The following OSTN variants were observed in gnomAD, a reference collection of about 807,000 sequenced individuals.
The protein encoded by OSTN is osteocrin.
OSTN carries 9 observed loss-of-function variants against 12.0 expected under a neutral mutation model. The observed-to-expected ratio is 0.75, with a 90% confidence interval of 0.45 to 1.30. The LOEUF (loss-of-function observed/expected upper bound fraction) is 1.30, where lower values mean the gene tolerates loss of function less well. Ranked by LOEUF, OSTN falls within the 50% of genes most tolerant of loss-of-function variation. OSTN has a pLI of 0.00. For synonymous variants in OSTN, 59 were observed against 56.9 expected, an observed-to-expected ratio of 1.04 and a Z score of -0.16; for missense variants, 148 against 152.3, an observed-to-expected ratio of 0.97 and a Z score of 0.15.
chr3:191,217,478 C>T (rs886074329), intron 2 of OSTN, among the ~76,000 whole-genome samples: 2 of 152,110 alleles, frequency 1.3e-5, no homozygotes, highest in South Asian at 2.1e-4. Context: ...AGAGATTCCC[C>T]AGAGCTAAAA....
chr3:191,240,989 T>C (rs1228228655), intron 3 of OSTN, among the ~76,000 whole-genome samples: 1 of 152,188 alleles, frequency 6.6e-6, no homozygotes, highest in Non-Finnish European at 1.5e-5. Context: ...GGTAGAATTA[T>C]TGGGTTCCAC....
chr3:191,241,449 G>A (rs993124689), intron 3 of OSTN, among the ~76,000 whole-genome samples: 18 of 151,976 alleles, frequency 1.2e-4, no homozygotes, highest in African/African-American at 4.1e-4. Flanking sequence ...CTCCCAAAGC[G>A]CTGGGATTAC....
intron 3 of OSTN, among the ~76,000 whole-genome samples, chr3:191,222,868 T>C (rs1432693339): frequency 2.0e-5 from 3 of 152,108 alleles, no homozygotes; most frequent in African/African-American, 7.2e-5. Context: ...TGAGATCTGA[T>C]GATTTTATAA....
chr3:191,230,495 T>C (rs1463076425), intron 3 of OSTN, among the ~76,000 whole-genome samples: 2 of 126,652 alleles, frequency 1.6e-5, no homozygotes, highest in Non-Finnish European at 3.1e-5. Flanking sequence ...ACGTGGGAGG[T>C]GGAGGTTGCA....
chr3:191,200,768 G>A (rs1213372750), intron 1 of OSTN, among the ~76,000 whole-genome samples: 1 of 152,130 alleles, frequency 6.6e-6, no homozygotes, highest in Non-Finnish European at 1.5e-5. Context: ...AGAAGTTTAG[G>A]ACTAATCTTT....
intron 4 of OSTN, among the ~76,000 whole-genome samples, chr3:191,256,567 C>A (rs1196955604): frequency 6.7e-6 from 1 of 150,008 alleles, no homozygotes; most frequent in African/African-American, 2.4e-5. Context: ...CTTAAACAAT[C>A]ATAAGGTCTA....
Position 191,212,648 on chromosome 3 carries a change from G to A in OSTN, c.102+14G>A, listed in dbSNP as rs775462210. The A allele has an allele frequency of 2.6e-5, 36 of 1,380,908 alleles. No individual in the cohort carries two copies. The highest frequency in any genetic ancestry group is 3.8e-5 in the Admixed American group (2 of 52,550). The allele number at this position is 1,380,908 out of a possible 1,614,324, so 85.5% of individuals were successfully genotyped here. A position where few individuals can be genotyped will look rare whatever the true frequency, so the allele number is the denominator to read the frequency against. ...ACAACAACAGAGGTAATGGAAACTA[G>A]CTTACAGAAATAAATATACATGTTT... On this transcript the variant is annotated intron_variant, in intron 2 of 4. Transcript: ENST00000682035.
intron 1 of OSTN, among the ~76,000 whole-genome samples, chr3:191,211,025 G>A (rs1714404984): frequency 6.6e-6 from 1 of 152,172 alleles, no homozygotes; most frequent in Non-Finnish European, 1.5e-5. Context: ...GAATTAACAT[G>A]TGTAAGATTT....
In OSTN at chr3:191,246,482, T is replaced by C. The variant is rs192150418; in HGVS notation, c.318-3555T>C. 1.7e-3 allele frequency among the ~76,000 whole-genome samples: 252 copies of C among 151,942 alleles called. 1 individual carries two copies. The highest frequency in any genetic ancestry group is 2.9e-3 in the Non-Finnish European group (195 of 67,958). ...TTACCCAGGCATGGTGGCACGCACC[T>C]GTAATCCCAGCTACTCAAGAGGCTG... On this transcript the variant is annotated intron_variant, in intron 3 of 4. Transcript: ENST00000682035.
rs73888518 is a variant in OSTN at position 191,260,263 on chromosome 3, C to T, written c.*13-2603C>T. Among the ~76,000 whole-genome samples, 615 of 151,714 alleles carry T rather than the reference C, an allele frequency of 4.1e-3. 6 individuals carry two copies. Among genetic ancestry groups the T allele is most frequent in the African/African-American group, 0.014 (594 of 41,366 alleles). On this transcript the variant is annotated intron_variant, in intron 4 of 4. Transcript: ENST00000682035. ...CTTAAAGGATCCGTCTTCTGGCCAC[C>T]GACAATTAGGGTTTCCAGTGGTGTA...
intron 2 of OSTN, among the ~76,000 whole-genome samples, chr3:191,216,016 C>A (rs1040718068): frequency 6.6e-6 from 1 of 152,200 alleles, no homozygotes; most frequent in African/African-American, 2.4e-5. Flanking sequence ...ATGAGGGCTC[C>A]ACCCCTTTAG....
chr3:191,238,093 T>A (rs1291751617), intron 3 of OSTN, among the ~76,000 whole-genome samples: 7 of 152,220 alleles, frequency 4.6e-5, no homozygotes, highest in Non-Finnish European at 8.8e-5. Context: ...TATGCTTTTC[T>A]TTTTTAGCTC....
Position 191,264,211 on chromosome 3 carries a change from A to G in OSTN, c.*1358A>G, listed in dbSNP as rs1321073490. On this transcript the variant is annotated 3_prime_UTR_variant, in exon 5 of 5. Transcript: ENST00000682035. ...AACTAAAAATTAATGGACTTGTATG[A>G]TCCAAAGAATAAAATAAACTCAAAG... is the stretch of plus-strand genomic sequence containing the variant. The G allele has an allele frequency of 6.6e-6, 1 of 152,122 alleles. No individual in the cohort carries two copies. The highest frequency in any genetic ancestry group is 1.9e-4 in the East Asian group (1 of 5,202). 9.4% of individuals were successfully genotyped at this position (152,122 alleles called of 1,614,324 possible).
chr3:191,262,210 CAAAAAAG>C (rs1715828771), intron 4 of OSTN, among the ~76,000 whole-genome samples: 1 of 151,738 alleles, frequency 6.6e-6, no homozygotes, highest in South Asian at 2.1e-4. Flanking sequence ...AACTCCATCT[CAAAAAAG>C]AAAAAAGAAA....
intron 4 of OSTN, among the ~76,000 whole-genome samples, chr3:191,255,399 G>A (rs1051238145): frequency 6.6e-6 from 1 of 152,218 alleles, no homozygotes; most frequent in Non-Finnish European, 1.5e-5. Context: ...AAGGTATCAG[G>A]CAAGTCTTTC....
In OSTN at chr3:191,206,064, A is replaced by T. The variant is rs1714266824; in HGVS notation, c.1-6469A>T. Reference sequence around the variant, plus strand: ...GCCAGACACGGTGGCAGGGCCTGTAATCCCAGCTACTCAGGAGGCTGAGGC... The same window carrying T: ...GCCAGACACGGTGGCAGGGCCTGTATTCCCAGCTACTCAGGAGGCTGAGGC... On this transcript the variant is annotated intron_variant, in intron 1 of 4. Transcript: ENST00000682035. Among the ~76,000 whole-genome samples the T allele has an allele frequency of 3.3e-5, 5 of 152,188 alleles. No individual in the cohort carries two copies. In the South Asian group the frequency reaches 1.0e-3, roughly 32 times the overall value.
At chr3:191,233,927 G>T (rs770643304) in intron 3 of OSTN, among the ~76,000 whole-genome samples, 6 of 151,884 alleles carry the variant, frequency 4.0e-5, no homozygotes, top group African/African-American at 7.3e-5. Flanking sequence ...AGGAGGCGGA[G>T]GTTGCAGTTA....
intron 3 of OSTN, among the ~76,000 whole-genome samples, chr3:191,249,235 G>T (rs894945110): frequency 1.3e-5 from 2 of 152,050 alleles, no homozygotes; most frequent in Admixed American, 6.6e-5. Context: ...TAACTCCAAG[G>T]CCAGTGAAAG....
intron 3 of OSTN, among the ~76,000 whole-genome samples, chr3:191,249,438 T>C (rs1376172144): frequency 6.6e-6 from 1 of 152,218 alleles, no homozygotes; most frequent in Admixed American, 6.5e-5. Flanking sequence ...TTATACTTCA[T>C]TTTAATAATG....
Sources: allele counts gnomAD v4.1 joint callset (sites outside exome capture counted in the v4.1 genomes callset), GRCh38; gene constraint gnomAD v4.1.1; transcripts MANE v1.5; gene names NCBI Gene and HGNC (gene_info 2026-07-23, HGNC 2026-07-21).